The following ALK variants were observed in gnomAD, a reference collection of about 807,000 sequenced individuals.
The protein encoded by ALK is ALK receptor tyrosine kinase, also known as ALK tyrosine kinase receptor.
ALK carries 74 observed loss-of-function variants against 163.1 expected under a neutral mutation model. The ratio of observed to expected loss-of-function variants is 0.45; its 90% CI spans 0.38 to 0.55. The LOEUF is 0.55. ALK is among the 20% of genes least tolerant of loss of function. The pLI, the probability that ALK is intolerant of heterozygous loss-of-function variation, is 0.00. For missense variants in ALK, 2,063 were observed against 2,105.3 expected (o/e 0.98, Z 0.39); for synonymous variants, 960 against 843.2 (o/e 1.14, Z -2.40).
intron 5 of ALK, among the ~76,000 whole-genome samples, chr2:29,369,268 T>C (rs949417122): frequency 1.3e-5 from 2 of 151,960 alleles, no homozygotes; most frequent in Non-Finnish European, 1.5e-5. Flanking sequence ...CACATTCAAA[T>C]GCCTCCTTGC....
intron 13 of ALK, 129 bp downstream of exon 13, chr2:29,239,549 TAA>T: frequency 8.5e-7 from 1 of 1,181,844 alleles, no homozygotes; most frequent in Non-Finnish European, 1.2e-6. Flanking sequence ...AGCTGCTGTT[TAA>T]TTACTCTTTG....
At chr2:29,871,320 T>G (rs775254192) in intron 1 of ALK, among the ~76,000 whole-genome samples, 2 of 152,180 alleles carry the variant, frequency 1.3e-5, no homozygotes, top group African/African-American at 2.4e-5. Context: ...AATAGAGCCA[T>G]GCAATCATCC....
intron 8 of ALK, among the ~76,000 whole-genome samples, chr2:29,299,273 C>G (rs1666297660): frequency 6.6e-6 from 1 of 152,206 alleles, no homozygotes; most frequent in Admixed American, 6.5e-5. Context: ...GTTGATCATG[C>G]TCATCTGTGA....
intron 1 of ALK, among the ~76,000 whole-genome samples, chr2:29,720,329 A>C (rs565504796): frequency 6.6e-6 from 1 of 152,170 alleles, no homozygotes; most frequent in Admixed American, 6.5e-5. Flanking sequence ...AGCCTTTTAT[A>C]TCACAAAACA....
At chr2:29,910,007 G>GTA (rs1435129923) in intron 1 of ALK, among the ~76,000 whole-genome samples, 1 of 148,730 alleles carries the variant, frequency 6.7e-6, no homozygotes, top group African/African-American at 2.5e-5. Context: ...CAACTGCAAG[G>GTA]TATGCAAAGA....
chr2:29,229,251 C>G (rs551852283), intron 15 of ALK, among the ~76,000 whole-genome samples, 185 bp from the exon 16 acceptor site: 1 of 152,258 alleles, frequency 6.6e-6, no homozygotes, highest in Admixed American at 6.5e-5. Context: ...GCTGCTTGCC[C>G]TAGGAGACCT....
chr2:29,304,982 A>G (rs922863540), intron 8 of ALK, among the ~76,000 whole-genome samples: 13 of 152,198 alleles, frequency 8.5e-5, no homozygotes, highest in African/African-American at 3.1e-4. Context: ...ACTCTGATTT[A>G]AGTAGATGTG....
At chr2:29,302,029 G>A (rs764472692) in intron 8 of ALK, among the ~76,000 whole-genome samples, 17 of 152,216 alleles carry the variant, frequency 1.1e-4, no homozygotes, top group Admixed American at 5.2e-4. Context: ...ATCCAGCCAG[G>A]AAGATAGAAT....
At chr2:29,657,012 G>A (rs970098131) in intron 3 of ALK, among the ~76,000 whole-genome samples, 1 of 152,074 alleles carries the variant, frequency 6.6e-6, no homozygotes, top group African/African-American at 2.4e-5. Context: ...CATAGAAAAC[G>A]GCATCAGTTC....
intron 13 of ALK, among the ~76,000 whole-genome samples, chr2:29,236,009 A>C (rs1664368483): frequency 7.0e-6 from 1 of 142,476 alleles, no homozygotes; most frequent in Non-Finnish European, 1.6e-5. Flanking sequence ...TGCTTGACTA[A>C]TTTTTGTATT....
chr2:29,626,145 C>G (rs758324847), intron 3 of ALK, among the ~76,000 whole-genome samples: 1 of 152,078 alleles, frequency 6.6e-6, no homozygotes, highest in Non-Finnish European at 1.5e-5. Flanking sequence ...AAGCCCTATA[C>G]CCTATGTGAT....
chr2:29,535,232 G>T (rs768858137), intron 3 of ALK, among the ~76,000 whole-genome samples: 2 of 152,226 alleles, frequency 1.3e-5, no homozygotes, highest in Non-Finnish European at 2.9e-5. Flanking sequence ...TGGAGAGGCA[G>T]ATCAAAGAGC....
At chr2:29,688,160 G>A (rs1482885514) in intron 3 of ALK, among the ~76,000 whole-genome samples, 1 of 152,216 alleles carries the variant, frequency 6.6e-6, no homozygotes, top group Non-Finnish European at 1.5e-5. Context: ...AGGGAACACA[G>A]GGGCTAGAGC....
At position 29,911,342 on chromosome 2, in the gene ALK, C is replaced by A. The variant is rs58372550; in HGVS notation, c.667+8651G>T. Among the ~76,000 whole-genome samples the A allele has an allele frequency of 8.0e-3, 1,211 of 152,272 alleles. 21 individuals carry two copies. Among genetic ancestry groups the A allele is most frequent in the African/African-American group, 0.027 (1,133 of 41,546 alleles). ...CTGATAGAAACCCTCAAATAGAAAC[C>A]CTGGTAGAAACCACAACTTTCAGGA... On this transcript the variant is annotated intron_variant, in intron 1 of 28. Transcript: ENST00000389048.
At chr2:29,488,677 A>G (rs1385340272) in intron 4 of ALK, among the ~76,000 whole-genome samples, 1 of 152,166 alleles carries the variant, frequency 6.6e-6, no homozygotes, top group African/African-American at 2.4e-5. Flanking sequence ...TAGTATGGGG[A>G]GAACTTCAAA....
chr2:29,502,717 T>C (rs1672219440), intron 4 of ALK, among the ~76,000 whole-genome samples: 1 of 152,118 alleles, frequency 6.6e-6, no homozygotes, highest in African/African-American at 2.4e-5. Flanking sequence ...TGAAAGCATA[T>C]TGAGTTTATG....
chr2:29,917,049 T>C (rs1053487480), intron 1 of ALK, among the ~76,000 whole-genome samples: 2 of 152,208 alleles, frequency 1.3e-5, no homozygotes, highest in Admixed American at 1.3e-4. Context: ...CTCTCAGACA[T>C]CTTTCTGTCC....
rs941198396 is a variant in ALK at position 29,519,309 on chromosome 2, G to T, written c.1154+12606C>A. Among the ~76,000 whole-genome samples the T allele has an allele frequency of 3.3e-5, 5 of 152,258 alleles. No homozygotes were observed. In the East Asian group the frequency reaches 7.7e-4, roughly 24 times the overall value. On this transcript the variant is annotated intron_variant, in intron 4 of 28. Coordinates refer to ENST00000389048, the MANE Select transcript of ALK (RefSeq NM_004304.5). ...GCATTGTTTTGGGGTAGGGGATAAA[G>T]AATTTGAATTCAATTACTTTTAAGG...
chr2:29,518,468 C>CTAAG (rs1251337528), intron 4 of ALK, among the ~76,000 whole-genome samples: 3 of 152,202 alleles, frequency 2.0e-5, no homozygotes, highest in African/African-American at 7.2e-5. Context: ...AAAAAAGAAT[C>CTAAG]AAATAGTCTA....
Sources: allele counts gnomAD v4.1 joint callset (sites outside exome capture counted in the v4.1 genomes callset), GRCh38; gene constraint gnomAD v4.1.1; transcripts MANE v1.5; gene names NCBI Gene and HGNC (gene_info 2026-07-23, HGNC 2026-07-21).